Variants in MARCHF7 observed in about 807,000 individuals in gnomAD.
The protein encoded by MARCHF7 is membrane associated ring-CH-type finger 7, also known as E3 ubiquitin-protein ligase MARCHF7.
MARCHF7 carries 20 observed loss-of-function variants against 76.5 expected under a neutral mutation model. The observed-to-expected ratio is 0.26, with a 90% confidence interval of 0.18 to 0.38. The LOEUF (loss-of-function observed/expected upper bound fraction) is 0.38. Ranked by LOEUF, MARCHF7 falls within the 10% of genes least tolerant of loss-of-function variation. The probability of loss-of-function intolerance (pLI) is 1.00; values close to 1 mark genes in which losing one functional copy is unlikely to be tolerated. For synonymous variants in MARCHF7, 295 were observed against 293.0 expected, an observed-to-expected ratio of 1.01 and a Z score of -0.07; for missense variants, 797 against 812.9, an observed-to-expected ratio of 0.98 and a Z score of 0.24.
At chr2:159,764,493 G>T in intron 10 of MARCHF7, 133 bp from the exon 11 acceptor site, 1 of 481,218 alleles carries the variant, frequency 2.1e-6, no homozygotes, top group East Asian at 3.4e-5. Context: ...ATGTTAGGGG[G>T]AGAAAAACCC....
chr2:159,767,519 T>A lies in MARCHF7; in HGVS notation c.*177T>A. 2.2e-6 allele frequency: 1 copy of A among 447,758 alleles called. No homozygotes were observed. The highest frequency in any genetic ancestry group is 3.9e-6 in the Non-Finnish European group (1 of 255,520). The allele number at this position is 447,758 out of a possible 1,614,324, so 27.7% of individuals were successfully genotyped here. A position where few individuals can be genotyped will look rare whatever the true frequency, so the allele number is the denominator to read the frequency against. ...TATTCATTCTCCAGTGTTGCTGAAT[T>A]AAAATTCTGCTGGACTTTTTAACAT... On this transcript the variant is annotated 3_prime_UTR_variant, in exon 12 of 12. Coordinates refer to ENST00000409175, the MANE Select transcript of MARCHF7 (RefSeq NM_001282805.2).
chr2:159,748,973 C>CT (rs1210018083), intron 7 of MARCHF7, 70 bp downstream of exon 7: 20,949 of 677,626 alleles, frequency 0.031, 1,138 homozygotes, highest in African/African-American at 0.16. Context: ...TCTTTTTTTT[C>CT]TTTTCTTTTT....
intron 4 of MARCHF7, chr2:159,733,509 A>G (rs989236379): frequency 1.0e-5 from 10 of 980,980 alleles, no homozygotes; most frequent in Non-Finnish European, 1.1e-5. Flanking sequence ...AGGTGCTGGG[A>G]TTACAGGCAT....
chr2:159,754,724 A>G (rs765728911), intron 8 of MARCHF7, among the ~76,000 whole-genome samples: 8 of 152,184 alleles, frequency 5.3e-5, no homozygotes, highest in Non-Finnish European at 1.0e-4. Context: ...ACGAGAAAGG[A>G]TATTTCCTCT....
intron 3 of MARCHF7, among the ~76,000 whole-genome samples, chr2:159,727,214 C>T (rs781044824): frequency 6.6e-5 from 10 of 152,148 alleles, no homozygotes; most frequent in African/African-American, 9.7e-5. Context: ...TTGCCAATCA[C>T]GAAAAGACAA....
intron 8 of MARCHF7, among the ~76,000 whole-genome samples, chr2:159,756,624 T>G (rs1226311859): frequency 1.4e-5 from 2 of 142,340 alleles, no homozygotes; most frequent in Non-Finnish European, 3.0e-5. Flanking sequence ...GAGGTGGAGT[T>G]TGCAGTGAGC....
At position 159,729,059 on chromosome 2, in the gene MARCHF7, T is replaced by A; in HGVS notation, c.37T>A (p.Ser13Thr). Reference sequence around the variant, plus strand: ...ACCTTCAAGGATTCCAAGAAGAATTTCTGTTCAACCTTCCAGCTCCTTAAG... The same window carrying A: ...ACCTTCAAGGATTCCAAGAAGAATTACTGTTCAACCTTCCAGCTCCTTAAG... ...SKPSRIPRRISVQPSSSLSAR... is the reference protein window; with the variant it reads ...SKPSRIPRRITVQPSSSLSAR... The change falls in exon 4 of 12, where the codon TCT becomes ACT. Residue 13 changes from serine (S) to threonine (T), a missense_variant. Around this residue, in one of 3 missense-constraint regions of MARCHF7, gnomAD observed 643 missense variants for 631.5 expected, o/e 1.02. Transcript: ENST00000409175. 2 of 1,600,678 alleles carry A rather than the reference T, an allele frequency of 1.2e-6. No individual in the cohort carries two copies. The highest frequency in any genetic ancestry group is 1.7e-6 in the Non-Finnish European group (2 of 1,176,356).
intron 8 of MARCHF7, among the ~76,000 whole-genome samples, chr2:159,754,596 T>C (rs1032252841): frequency 2.6e-5 from 4 of 152,044 alleles, no homozygotes; most frequent in Non-Finnish European, 5.9e-5. Context: ...TTGTTTTATT[T>C]TGAGGTAGGG....
chr2:159,719,546 TCCTCATCCTTGGAG>T (rs1701402395), intron 3 of MARCHF7, among the ~76,000 whole-genome samples: 1 of 152,340 alleles, frequency 6.6e-6, no homozygotes, highest in Admixed American at 6.5e-5. Flanking sequence ...CGACTTTGGG[TCCTCATCCTTGGAG>T]CCATGTCTCT....
intron 4 of MARCHF7, chr2:159,732,930 AT>A: frequency 1.0e-6 from 1 of 982,968 alleles, no homozygotes; most frequent in Non-Finnish European, 1.2e-6. Context: ...GATGAACAAG[AT>A]TGTTCATCTT....
intron 4 of MARCHF7, among the ~76,000 whole-genome samples, chr2:159,736,048 G>A (rs1484111440): frequency 2.0e-5 from 3 of 152,210 alleles, no homozygotes; most frequent in Non-Finnish European, 4.4e-5. Context: ...GATCCCTTAA[G>A]CTCATAAGGT....
intron 3 of MARCHF7, among the ~76,000 whole-genome samples, chr2:159,719,817 A>AT (rs1483429798): frequency 6.6e-6 from 1 of 152,184 alleles, no homozygotes; most frequent in Non-Finnish European, 1.5e-5. Flanking sequence ...AACAGAACAG[A>AT]TTAGAGACTG....
chr2:159,734,499 T>C (rs958750208), intron 4 of MARCHF7, among the ~76,000 whole-genome samples: 10 of 152,006 alleles, frequency 6.6e-5, no homozygotes, highest in Non-Finnish European at 1.5e-4. Context: ...CAGTTTAAAA[T>C]AGGATAAGGA....
At chr2:159,724,822 T>TCCTTCC (rs1481745821) in intron 3 of MARCHF7, among the ~76,000 whole-genome samples, 1 of 152,172 alleles carries the variant, frequency 6.6e-6, no homozygotes, top group Non-Finnish European at 1.5e-5. Context: ...CTTAATGCCA[T>TCCTTCC]CCTTCCCCCT....
chr2:159,761,900 A>G (rs1404685953), intron 9 of MARCHF7, among the ~76,000 whole-genome samples: 1 of 152,208 alleles, frequency 6.6e-6, no homozygotes, highest in Non-Finnish European at 1.5e-5. Flanking sequence ...TCATGGCTTG[A>G]AAACAACTGT....
At chr2:159,755,053 A>G in intron 8 of MARCHF7, among the ~76,000 whole-genome samples, 1 of 152,202 alleles carries the variant, frequency 6.6e-6, no homozygotes, top group East Asian at 1.9e-4. Context: ...TGCCAGGCAA[A>G]TATGATGAAG....
At chr2:159,723,396 A>G (rs986934657) in intron 3 of MARCHF7, among the ~76,000 whole-genome samples, 1 of 152,204 alleles carries the variant, frequency 6.6e-6, no homozygotes, top group Non-Finnish European at 1.5e-5. Context: ...AATAAGCATA[A>G]ATTAGAATTT....
intron 4 of MARCHF7, among the ~76,000 whole-genome samples, chr2:159,731,481 A>G (rs940264085): frequency 3.9e-5 from 6 of 151,912 alleles, no homozygotes; most frequent in African/African-American, 1.4e-4. Context: ...CTGGCCTGGC[A>G]TGGTGGCTCA....
chr2:159,722,474 T>C (rs564453416), intron 3 of MARCHF7, among the ~76,000 whole-genome samples: 6 of 152,306 alleles, frequency 3.9e-5, no homozygotes, highest in Admixed American at 2.0e-4. Context: ...ATTGAAGTTA[T>C]GTGATTATTT....
Sources: gnomAD v4.1 joint callset for allele counts (sites outside exome capture counted in the v4.1 genomes callset) on GRCh38, gnomAD v4.1.1 for gene constraint, gnomAD v4.1.1 regional missense constraint, MANE v1.5 for transcripts, NCBI Gene and HGNC (gene_info 2026-07-23, HGNC 2026-07-21) for gene names.